The following BCAP29 variants were observed in gnomAD, a reference collection of about 807,000 sequenced individuals.
BCAP29 encodes the protein B cell receptor associated protein 29, also known as B-cell receptor-associated protein 29.
In BCAP29, 34 loss-of-function variants were observed where a neutral mutation model predicts 31.8. The observed-to-expected ratio is 1.07, with a 90% CI of 0.81 to 1.42. BCAP29 has a LOEUF of 1.42. Among genes scored for constraint, BCAP29 ranks in the 40% most tolerant of loss-of-function variants. The pLI is 0.00. For synonymous variants in BCAP29, 104 were observed against 91.3 expected, an observed-to-expected ratio of 1.14 and a Z score of -0.79; for missense variants, 314 against 269.2, an observed-to-expected ratio of 1.17 and a Z score of -1.16.
At chr7:107,592,850 A>G (rs1809129846) in intron 3 of BCAP29, among the ~76,000 whole-genome samples, 1 of 152,208 alleles carries the variant, frequency 6.6e-6, no homozygotes, top group Non-Finnish European at 1.5e-5. Flanking sequence ...ATAGTATATG[A>G]TTCAGTTTAT....
intron 5 of BCAP29, chr7:107,600,105 A>G: frequency 2.8e-6 from 1 of 356,890 alleles, no homozygotes; most frequent in Non-Finnish European, 5.3e-6. Flanking sequence ...AGGAAGAAAG[A>G]CTGACGTTAT....
rs192963985 is a variant in BCAP29 at position 107,594,220 on chromosome 7, G to A, written c.344+115G>A. On this transcript the variant is annotated intron_variant, in intron 4 of 7. Transcript: ENST00000005259. ...TTTTTTTTAAGAGAGACAACCTTTC[G>A]CTCTGTTGCCCAGGCTGCAGTGCAG... The A allele has an allele frequency of 2.6e-5, 25 of 952,122 alleles. No individual in the cohort carries two copies. The Middle Eastern group carries it at 1.3e-3, about 51-fold the overall frequency. 59.0% of individuals were successfully genotyped at this position (952,122 alleles called of 1,614,324 possible).
Position 107,595,912 on chromosome 7 carries a change from A to C in BCAP29, c.390A>C (p.Glu130Asp), listed in dbSNP as rs747394974. 6.2e-7 allele frequency: 1 copy of C among 1,603,038 alleles called. No homozygotes were observed. The highest frequency in any genetic ancestry group is 8.5e-7 in the Non-Finnish European group (1 of 1,176,880). ...CGCTTATTACTCAACTGGCAAAAGA[A>C]CTGTCAAACAAAGGTGTACTTAAAA... ...LVTLITQLAK[E>D]LSNKGVLKTQ... The change falls in exon 5 of 8, where the codon GAA becomes GAC. Residue 130 changes from glutamate to aspartate, a missense_variant. By Grantham distance (45) the Glu-to-Asp change is conservative. Transcript: ENST00000005259.
At position 107,619,204 on chromosome 7, in the gene BCAP29, G is replaced by A. The variant is rs1814688006; in HGVS notation, c.*841G>A. On this transcript the variant is annotated 3_prime_UTR_variant, in exon 8 of 8. Transcript: ENST00000005259. The stretch of plus-strand genomic sequence containing the variant: ...GTATTTCTTTCCCTTGGTTGTGAGA[G>A]TAACTAATTATATAAATATTACCTC... The A allele has an allele frequency of 6.6e-6, 1 of 152,478 alleles. No homozygotes were observed. 9.4% of individuals were successfully genotyped at this position (152,478 alleles called of 1,614,324 possible).
intron 3 of BCAP29, among the ~76,000 whole-genome samples, chr7:107,589,156 A>G (rs563535364): frequency 1.2e-3 from 181 of 152,342 alleles, no homozygotes; most frequent in Middle Eastern, 3.4e-3. Flanking sequence ...TAAACTGTAC[A>G]TCAGCAGTCC....
chr7:107,596,449 T>C (rs988988367), intron 5 of BCAP29, among the ~76,000 whole-genome samples: 3 of 152,202 alleles, frequency 2.0e-5, no homozygotes, highest in Admixed American at 1.3e-4. Flanking sequence ...TCATTGATGC[T>C]AGATTGATAA....
intron 3 of BCAP29, among the ~76,000 whole-genome samples, chr7:107,592,519 G>A (rs1359395822): frequency 6.6e-6 from 1 of 152,192 alleles, no homozygotes; most frequent in Non-Finnish European, 1.5e-5. Context: ...TTGGAATACA[G>A]TTTGGCAGTT....
At chr7:107,618,277 G>A (rs1283930827) in intron 7 of BCAP29, 51 bp from the exon 8 acceptor site, 1 of 1,303,510 alleles carries the variant, frequency 7.7e-7, no homozygotes, top group Non-Finnish European at 1.0e-6. Context: ...TCATGTCTAT[G>A]AATCTGTTTC....
At chr7:107,598,195 T>C (rs1810198322) in intron 5 of BCAP29, among the ~76,000 whole-genome samples, 1 of 152,226 alleles carries the variant, frequency 6.6e-6, no homozygotes, top group South Asian at 2.1e-4. Flanking sequence ...GATTCTCTTC[T>C]AATTTGGGTA....
rs1814693982 is a variant in BCAP29 at position 107,619,251 on chromosome 7, A to C, written c.*888A>C. 1 of 152,554 alleles carries C rather than the reference A, an allele frequency of 6.6e-6. No homozygotes were observed. Among genetic ancestry groups the C allele is most frequent in the African/African-American group, 2.4e-5 (1 of 41,458 alleles). 9.5% of individuals were successfully genotyped at this position (152,554 alleles called of 1,614,324 possible). A position where few individuals can be genotyped will look rare whatever the true frequency, so the allele number is the denominator to read the frequency against. Reference sequence around the variant, plus strand: ...CCTCAAAAATACATACACTGGTATCACACAGTCTTTCTACAATGTTTCTGT... The same window carrying C: ...CCTCAAAAATACATACACTGGTATCCCACAGTCTTTCTACAATGTTTCTGT... On this transcript the variant is annotated 3_prime_UTR_variant, in exon 8 of 8. Transcript: ENST00000005259.
At chr7:107,597,396 A>G (rs1563132607) in intron 5 of BCAP29, among the ~76,000 whole-genome samples, 1 of 152,114 alleles carries the variant, frequency 6.6e-6, no homozygotes. Flanking sequence ...ATTCTCTATC[A>G]GAGACACATT....
intron 3 of BCAP29, among the ~76,000 whole-genome samples, chr7:107,584,240 C>T (rs1314159667): frequency 1.3e-5 from 2 of 152,206 alleles, no homozygotes; most frequent in Non-Finnish European, 2.9e-5. Flanking sequence ...TATATTAATG[C>T]ATACCTTGCT....
At chr7:107,611,183 C>T (rs1377883215) in intron 6 of BCAP29, among the ~76,000 whole-genome samples, 1 of 152,162 alleles carries the variant, frequency 6.6e-6, no homozygotes, top group Non-Finnish European at 1.5e-5. Context: ...CCAGCCACGC[C>T]TCCCAATACG....
At chr7:107,599,574 G>A (rs1585140274) in intron 5 of BCAP29, among the ~76,000 whole-genome samples, 1 of 146,468 alleles carries the variant, frequency 6.8e-6, no homozygotes, top group East Asian at 2.0e-4. Flanking sequence ...TTAATCTATT[G>A]ACCCACAACA....
intron 5 of BCAP29, 71 bp from the exon 6 acceptor site, chr7:107,600,326 C>T: frequency 1.1e-6 from 1 of 925,982 alleles, no homozygotes; most frequent in Non-Finnish European, 1.8e-6. Context: ...GGTTACTCAG[C>T]TTATTTTCTG....
Position 107,583,909 on chromosome 7 carries a change from C to A in BCAP29, c.120C>A (p.Val40=). 6.3e-7 allele frequency: 1 copy of A among 1,577,850 alleles called. No homozygotes were observed. The highest frequency in any genetic ancestry group is 1.2e-5 in the South Asian group (1 of 84,038). ...GGCAGAAGATTTTTTCATTTAATGT[C>A]TGGGGTAAAATTGCAACTTTTTGGA... ...QRWQKIFSFN[V]WGKIATFWNK... is the part of the protein sequence containing the mutation. Residue 40 remains valine (V), a synonymous_variant, in exon 3 of 8, where the codon GTC becomes GTA. Coordinates refer to ENST00000005259, the MANE Select transcript of BCAP29 (RefSeq NM_018844.4).
chr7:107,622,128 T>C (rs1259319808), downstream of BCAP29: 12 of 395,972 alleles, frequency 3.0e-5, no homozygotes, highest in Non-Finnish European at 5.5e-5. Flanking sequence ...GCCATCATCA[T>C]CTCTCACATG....
downstream of BCAP29, chr7:107,621,935 C>G (rs574325099): frequency 1.9e-6 from 1 of 530,272 alleles, no homozygotes; most frequent in Admixed American, 1.9e-5. Flanking sequence ...CAGGACAGAT[C>G]TGTAATGGCC....
chr7:107,612,391 T>TTTTATATATA (rs1430473654), intron 6 of BCAP29, among the ~76,000 whole-genome samples: 1 of 30,878 alleles, frequency 3.2e-5, no homozygotes, highest in Non-Finnish European at 6.0e-5. Context: ...ATGTATTGTT[T>TTTTATATATA]TATATATATA....
Sources: allele counts gnomAD v4.1 joint callset (sites outside exome capture counted in the v4.1 genomes callset), GRCh38; gene constraint gnomAD v4.1.1; transcripts MANE v1.5; gene names NCBI Gene and HGNC (gene_info 2026-07-23, HGNC 2026-07-21).